The following COL11A1 variants were observed in gnomAD, a reference collection of about 807,000 sequenced individuals.
The protein encoded by COL11A1 is collagen type XI alpha 1 chain.
COL11A1 carries 74 observed loss-of-function variants against 265.2 expected under a neutral mutation model. That is an observed-to-expected ratio of 0.28 (90% CI 0.23 to 0.34). The LOEUF (loss-of-function observed/expected upper bound fraction) is 0.34, where lower values mean the gene tolerates loss of function less well. Ranked by LOEUF, COL11A1 falls within the 10% of genes least tolerant of loss-of-function variation. The probability of loss-of-function intolerance (pLI) is 1.00; values close to 1 mark genes in which losing one functional copy is unlikely to be tolerated. For synonymous variants in COL11A1, 816 were observed against 727.6 expected, an observed-to-expected ratio of 1.12 and a Z score of -1.96; for missense variants, 2,165 against 2,263.6, an observed-to-expected ratio of 0.96 and a Z score of 0.88.
At chr1:102,969,214 G>T (rs1401889987) in intron 37 of COL11A1, among the ~76,000 whole-genome samples, 3 of 152,112 alleles carry the variant, frequency 2.0e-5, no homozygotes, top group Admixed American at 6.5e-5. Flanking sequence ...ACTAAGAATT[G>T]CCACATGGTA....
chr1:102,967,234 T>TATTTA (rs1557882270), intron 37 of COL11A1, among the ~76,000 whole-genome samples: 3 of 71,848 alleles, frequency 4.2e-5, no homozygotes, highest in Admixed American at 3.3e-4. Flanking sequence ...ATTCTTTTTT[T>TATTTA]TTTTTTTTTT....
chr1:103,064,689 CA>C (rs35774967), intron 4 of COL11A1, among the ~76,000 whole-genome samples: 3 of 42,868 alleles, frequency 7.0e-5, no homozygotes, highest in African/African-American at 2.5e-4. Flanking sequence ...GACTCCATCT[CA>C]AAAAAAAAAG....
At position 102,984,117 on chromosome 1, in the gene COL11A1, A is replaced by G. The variant is rs1241169485; in HGVS notation, c.2556+21T>C. On this transcript the variant is annotated intron_variant, in intron 31 of 66. Coordinates refer to ENST00000370096, the MANE Select transcript of COL11A1 (RefSeq NM_001854.4). Reference sequence around the variant, plus strand: ...TATCTTCACGAAATGTTAATAAACTATAAATATCAAGCTGTTTTACCTTTG... The same window carrying G: ...TATCTTCACGAAATGTTAATAAACTGTAAATATCAAGCTGTTTTACCTTTG... 2.6e-6 allele frequency: 4 copies of G among 1,550,914 alleles called. No homozygotes were observed. The African/African-American group carries it at 5.4e-5, about 21-fold the overall frequency.
chr1:102,907,548 G>A (rs555685087), intron 54 of COL11A1, among the ~76,000 whole-genome samples: 1 of 151,752 alleles, frequency 6.6e-6, no homozygotes, highest in South Asian at 2.1e-4. Context: ...GTTAATCATT[G>A]GCTTATGTTT....
chr1:102,940,694 A>G (rs992792556), intron 42 of COL11A1, among the ~76,000 whole-genome samples: 4 of 152,172 alleles, frequency 2.6e-5, no homozygotes, highest in African/African-American at 9.7e-5. Context: ...TGCAATTATT[A>G]TATATTGACA....
intron 42 of COL11A1, among the ~76,000 whole-genome samples, chr1:102,943,378 A>G (rs1361360475): frequency 2.6e-5 from 4 of 151,778 alleles, no homozygotes; most frequent in African/African-American, 9.7e-5. Flanking sequence ...GATCTTTTAC[A>G]TCCCACAAAA....
In COL11A1 at chr1:103,002,499, A is replaced by T. The variant is rs753666619; in HGVS notation, c.2044-18T>A. 6.3e-7 allele frequency: 1 copy of T among 1,597,296 alleles called. No homozygotes were observed. Among genetic ancestry groups the T allele is most frequent in the Non-Finnish European group, 8.5e-7 (1 of 1,170,644 alleles). ...TGGGGACCCTGCCAGAGGAAAATATAAAAAGTTTTTAATGGGCTATATTAC... is the reference window on the plus strand; with the variant it reads ...TGGGGACCCTGCCAGAGGAAAATATTAAAAGTTTTTAATGGGCTATATTAC... On this transcript the variant is annotated intron_variant, in intron 22 of 66. Coordinates refer to ENST00000370096, the MANE Select transcript of COL11A1 (RefSeq NM_001854.4).
chr1:103,071,467 C>CTTTTTTTTTT (rs869263393), intron 4 of COL11A1, among the ~76,000 whole-genome samples: 1 of 49,892 alleles, frequency 2.0e-5, no homozygotes, highest in African/African-American at 7.9e-5. Flanking sequence ...GTTGGTAGGA[C>CTTTTTTTTTT]TTTTTTTTTT....
chr1:103,011,983 G>T (rs908071511), intron 14 of COL11A1, among the ~76,000 whole-genome samples: 7 of 152,214 alleles, frequency 4.6e-5, no homozygotes, highest in Admixed American at 4.6e-4. Flanking sequence ...GCAACCTGCG[G>T]TTTAAAAAGT....
chr1:103,087,585 T>C (rs1044997670), intron 1 of COL11A1, among the ~76,000 whole-genome samples: 1 of 152,182 alleles, frequency 6.6e-6, no homozygotes, highest in Non-Finnish European at 1.5e-5. Flanking sequence ...TCATTCAGTG[T>C]TCTACCATAC....
chr1:103,098,589 A>G (rs1385496753), intron 1 of COL11A1, among the ~76,000 whole-genome samples: 1 of 151,908 alleles, frequency 6.6e-6, no homozygotes, highest in Non-Finnish European at 1.5e-5. Flanking sequence ...AAAAATATTT[A>G]CTGGCTATCT....
chr1:102,905,123 A>T (rs1653768815), intron 54 of COL11A1, among the ~76,000 whole-genome samples: 2 of 150,436 alleles, frequency 1.3e-5, no homozygotes, highest in South Asian at 4.2e-4. Context: ...TATCGCAAGG[A>T]CAAAAAACCA....
chr1:102,935,411 G>A (rs747552703), intron 44 of COL11A1, among the ~76,000 whole-genome samples: 7 of 152,176 alleles, frequency 4.6e-5, no homozygotes, highest in Admixed American at 1.3e-4. Context: ...TGTAAGATTC[G>A]CATTTGAAAA....
intron 57 of COL11A1, among the ~76,000 whole-genome samples, chr1:102,894,615 A>G (rs913516537): frequency 1.3e-5 from 2 of 152,154 alleles, no homozygotes; most frequent in African/African-American, 4.8e-5. Flanking sequence ...TTCAACCAAT[A>G]CAAAATTCTA....
rs765469112 is a variant in COL11A1, at chr1:103,002,378, T to G, written c.2097+50A>C. On this transcript the variant is annotated intron_variant, in intron 23 of 66. Coordinates refer to ENST00000370096, the MANE Select transcript of COL11A1 (RefSeq NM_001854.4). ...GACTGTCGATTTTCTTATAGAAAGA[T>G]AGCATCTTCCCCCCATTATTTCAAA... is the stretch of plus-strand genomic sequence containing the variant. 3.3e-5 allele frequency: 47 copies of G among 1,442,996 alleles called. No homozygotes were observed. In the Admixed American group the frequency reaches 4.5e-4, roughly 14 times the overall value. The allele number at this position is 1,442,996 out of a possible 1,614,324, so 89.4% of individuals were successfully genotyped here. A position where few individuals can be genotyped will look rare whatever the true frequency, so the allele number is the denominator to read the frequency against.
At chr1:102,983,214 A>G (rs1663206275) in intron 31 of COL11A1, among the ~76,000 whole-genome samples, 1 of 151,512 alleles carries the variant, frequency 6.6e-6, no homozygotes, top group African/African-American at 2.4e-5. Context: ...ATGCATTTTG[A>G]AAACCATATT....
In COL11A1 at chr1:103,004,617, A is replaced by G; in HGVS notation, c.1890T>C (p.Asp630=). The change falls in exon 19 of 67, where the codon GAT becomes GAC. Residue 630 remains aspartate (D), a synonymous_variant. Transcript: ENST00000370096. The part of the protein sequence containing the change: ...PQGPPGPPGD[D]GMRGEDGEIG... ...AGAAGTATTAACATACCCTCATTCC[A>G]TCATCACCAGGAGGACCTGGAGGAC... 2.5e-6 allele frequency: 4 copies of G among 1,610,474 alleles called. No homozygotes were observed. The highest frequency in any genetic ancestry group is 3.4e-6 in the Non-Finnish European group (4 of 1,178,384).
intron 15 of COL11A1, among the ~76,000 whole-genome samples, chr1:103,006,599 G>A (rs1007870865): frequency 3.0e-5 from 4 of 132,390 alleles, no homozygotes; most frequent in Admixed American, 8.8e-5. Flanking sequence ...GCCCAGCGGC[G>A]CGATCTCGGC....
In COL11A1 at chr1:102,976,304, T is replaced by G. The variant is rs1426303652; in HGVS notation, c.2755-1421A>C. Among the ~76,000 whole-genome samples, 3 of 131,952 alleles carry G rather than the reference T, an allele frequency of 2.3e-5. No homozygotes were observed. In the East Asian group the frequency reaches 6.9e-4, roughly 30 times the overall value. 86.6% of individuals were successfully genotyped at this position (131,952 alleles called of 152,430 possible). On this transcript the variant is annotated intron_variant, in intron 35 of 66. Transcript: ENST00000370096. Reference sequence around the variant, plus strand: ...AAAACGTTGGCTTTTTTTTTTTTTTTTTTTTTTTTTTTGAGACAGAGTCTT... The same window carrying G: ...AAAACGTTGGCTTTTTTTTTTTTTTGTTTTTTTTTTTTGAGACAGAGTCTT...
Sources: allele counts gnomAD v4.1 joint callset (sites outside exome capture counted in the v4.1 genomes callset), GRCh38; gene constraint gnomAD v4.1.1; transcripts MANE v1.5; gene names NCBI Gene and HGNC (gene_info 2026-07-23, HGNC 2026-07-21).